Variants in FPR3 observed in about 807,000 individuals in gnomAD.
FPR3 encodes N-formyl peptide receptor 3.
For synonymous variants in FPR3, 135 were observed against 163.6 expected, an observed-to-expected ratio of 0.83 and a Z score of 1.34; for missense variants, 346 against 443.2, an observed-to-expected ratio of 0.78 and a Z score of 1.97.
At chr19:51,796,100 A>C (rs10423494) in intron 1 of FPR3, among the ~76,000 whole-genome samples, 2 of 152,118 alleles carry the variant, frequency 1.3e-5, no homozygotes, top group South Asian at 4.1e-4. Flanking sequence ...GCTGTACCTG[A>C]GCATTCTGCT....
chr19:51,808,726 A>T (rs1160505098), intron 1 of FPR3, among the ~76,000 whole-genome samples: 2 of 152,226 alleles, frequency 1.3e-5, no homozygotes, highest in Non-Finnish European at 2.9e-5. Context: ...GGAGATGGTG[A>T]AAGTTTTTGT....
At position 51,824,067 on chromosome 19, in the gene FPR3, A is replaced by C. The variant is rs762763346; in HGVS notation, c.319A>C (p.Ile107Leu). Residue 107 changes from isoleucine (I) to leucine (L), a missense_variant, in exon 2 of 2, where the codon ATC (isoleucine) becomes CTC (leucine). Physicochemically the swap from Ile to Leu is conservative, Grantham distance 5. Coordinates refer to ENST00000339223, the MANE Select transcript of FPR3 (RefSeq NM_002030.5). This position sits in a 1 kb window ranked among gnomAD's most constrained non-coding sequence, Gnocchi z 4.7. ...TAAGTTAGTTCATGTTATGATAGAC[A>C]TCAACCTGTTTGTCAGTGTCTACCT... is the stretch of plus-strand genomic sequence containing the variant. ...LCKLVHVMID[I>L]NLFVSVYLIT... The C allele has an allele frequency of 1.1e-5, 18 of 1,614,028 alleles. 1 individual carries two copies. Among genetic ancestry groups the C allele is most frequent in the Non-Finnish European group, 5.1e-6 (6 of 1,180,016 alleles).
At chr19:51,822,253 G>A (rs2084195778) in intron 1 of FPR3, among the ~76,000 whole-genome samples, 1 of 152,194 alleles carries the variant, frequency 6.6e-6, no homozygotes, top group Non-Finnish European at 1.5e-5. Flanking sequence ...TTATTGCCCA[G>A]AATTTAGTCA....
Position 51,823,725 on chromosome 19 carries a change from C to T in FPR3, c.-10-14C>T, listed in dbSNP as rs745546213. On this transcript the variant is annotated splice_polypyrimidine_tract_variant and intron_variant, in intron 1 of 1. Transcript: ENST00000339223. The stretch of plus-strand genomic sequence containing the variant: ...TGTCACAGCTGAGAAATGGCCATTG[C>T]TGAAATGTTTCAGGTGTGGGAAGAT... 1.9e-6 allele frequency: 3 copies of T among 1,542,076 alleles called. No homozygotes were observed. Among genetic ancestry groups the T allele is most frequent in the East Asian group, 2.3e-5 (1 of 44,240 alleles).
chr19:51,805,520 G>A (rs2084052539), intron 1 of FPR3, among the ~76,000 whole-genome samples: 1 of 152,200 alleles, frequency 6.6e-6, no homozygotes, highest in South Asian at 2.1e-4. Context: ...ACTCACTTTT[G>A]TTATATTCTA....
Position 51,823,905 on chromosome 19 carries a change from T to C in FPR3, c.157T>C (p.Phe53Leu). The change falls in exon 2 of 2, where the codon TTC becomes CTC. Residue 53 changes from phenylalanine (F) to leucine (L), a missense_variant. Coordinates refer to ENST00000339223, the MANE Select transcript of FPR3 (RefSeq NM_002030.5). The part of the protein sequence containing the change: ...GNGLVIWVAG[F>L]RMTRTVNTIC... ...TGGGCTTGTGATCTGGGTGGCTGGA[T>C]TCCGGATGACACGCACAGTCAACAC... 1.2e-6 allele frequency: 2 copies of C among 1,614,120 alleles called. No individual in the cohort carries two copies. The highest frequency in any genetic ancestry group is 1.7e-6 in the Non-Finnish European group (2 of 1,179,990).
intron 1 of FPR3, among the ~76,000 whole-genome samples, chr19:51,798,334 T>C (rs956806187): frequency 6.6e-6 from 1 of 152,108 alleles, no homozygotes; most frequent in African/African-American, 2.4e-5. Flanking sequence ...GGGGTGCCGC[T>C]AAACATCCTA....
chr19:51,807,145 C>T (rs2084064764), intron 1 of FPR3, among the ~76,000 whole-genome samples: 2 of 152,126 alleles, frequency 1.3e-5, no homozygotes, highest in South Asian at 2.1e-4. Context: ...GGGCAGCTTG[C>T]CTCTAGTGGA....
chr19:51,806,454 C>A (rs536350838), intron 1 of FPR3, among the ~76,000 whole-genome samples: 1 of 152,208 alleles, frequency 6.6e-6, no homozygotes, highest in Non-Finnish European at 1.5e-5. Flanking sequence ...GTCTTACCAT[C>A]CGTACCAGGA....
chr19:51,800,789 C>T (rs1018256587), intron 1 of FPR3, among the ~76,000 whole-genome samples: 8 of 151,994 alleles, frequency 5.3e-5, no homozygotes, highest in Admixed American at 3.9e-4. Flanking sequence ...AAAGTGAAAA[C>T]AGCAGAGTGC....
Position 51,824,997 on chromosome 19 carries a change from C to A in FPR3, c.*187C>A. On this transcript the variant is annotated 3_prime_UTR_variant, in exon 2 of 2. Transcript: ENST00000339223. The surrounding 1 kb of genome is among the most constrained non-coding windows in gnomAD (Gnocchi z 4.7). ...CAATAGACACCAGCTGGGTGTCCTA[C>A]AATTAAATTCCAACACTATCTACCT... 1 of 587,404 alleles carries A rather than the reference C, an allele frequency of 1.7e-6. No individual in the cohort carries two copies. The highest frequency in any genetic ancestry group is 3.1e-6 in the Non-Finnish European group (1 of 324,770). 36.4% of individuals were successfully genotyped at this position (587,404 alleles called of 1,614,324 possible).
At chr19:51,811,787 A>G (rs1025404410) in intron 1 of FPR3, 2 of 135,364 alleles carry the variant, frequency 1.5e-5, no homozygotes, top group African/African-American at 5.8e-5. Flanking sequence ...CGGCACCAGG[A>G]GGCGACTCGC....
chr19:51,809,430 G>C (rs1272307637), intron 1 of FPR3, among the ~76,000 whole-genome samples: 1 of 152,192 alleles, frequency 6.6e-6, no homozygotes, highest in Non-Finnish European at 1.5e-5. Context: ...TACTACACAG[G>C]TAGGTCTATT....
intron 1 of FPR3, among the ~76,000 whole-genome samples, chr19:51,813,119 AACACACAC>A (rs35245083): frequency 0.039 from 5,301 of 137,198 alleles, 169 homozygotes; most frequent in African/African-American, 0.1. Flanking sequence ...GCTCTGTCTC[AACACACAC>A]ACACACACAC....
chr19:51,818,927 A>T (rs1372682848), intron 1 of FPR3, among the ~76,000 whole-genome samples: 1 of 152,224 alleles, frequency 6.6e-6, no homozygotes. Context: ...ATTTTAGCAG[A>T]GGGAATAGCA....
intron 1 of FPR3, among the ~76,000 whole-genome samples, chr19:51,804,501 T>C (rs1339309568): frequency 1.3e-5 from 2 of 152,192 alleles, no homozygotes; most frequent in Admixed American, 1.3e-4. Context: ...TTTGATTTGA[T>C]TGGGAATTCA....
rs1568433587 is a variant in FPR3, at chr19:51,824,857, C to CA, written c.*47_*48insA. The CA allele has an allele frequency of 7.0e-7, 1 of 1,430,716 alleles. No individual in the cohort carries two copies. Among genetic ancestry groups the CA allele is most frequent in the Non-Finnish European group, 9.4e-7 (1 of 1,064,598 alleles). The allele number at this position is 1,430,716 out of a possible 1,614,324, so 88.6% of individuals were successfully genotyped here. A position where few individuals can be genotyped will look rare whatever the true frequency, so the allele number is the denominator to read the frequency against. On this transcript the variant is annotated 3_prime_UTR_variant, in exon 2 of 2. Coordinates refer to ENST00000339223, the MANE Select transcript of FPR3 (RefSeq NM_002030.5). This position sits in a 1 kb window ranked among gnomAD's most constrained non-coding sequence, Gnocchi z 4.7. ...CTGTCTCTTTCTACCCTGCGTTAAG[C>CA]GGAAAAAAAAAATTCTGACAGTGTT...
At chr19:51,808,718 A>T (rs2084077169) in intron 1 of FPR3, among the ~76,000 whole-genome samples, 1 of 152,212 alleles carries the variant, frequency 6.6e-6, no homozygotes, top group Admixed American at 6.5e-5. Context: ...TAGCCGCTGG[A>T]GATGGTGAAA....
chr19:51,809,823 G>C (rs1483680721), intron 1 of FPR3, among the ~76,000 whole-genome samples: 1 of 152,128 alleles, frequency 6.6e-6, no homozygotes, highest in Non-Finnish European at 1.5e-5. Context: ...GTGTTCCTGG[G>C]GTGAGGGAAT....
Sources: gnomAD v4.1 joint callset for allele counts (sites outside exome capture counted in the v4.1 genomes callset) on GRCh38, gnomAD v4.1.1 for gene constraint, Gnocchi (gnomAD v3.1) non-coding constraint, MANE v1.5 for transcripts, NCBI Gene and HGNC (gene_info 2026-07-23, HGNC 2026-07-21) for gene names.